The following TRAM1 variants were observed in gnomAD, a reference collection of about 807,000 sequenced individuals.
The protein encoded by TRAM1 is translocation associated membrane protein 1.
TRAM1 carries 17 observed loss-of-function variants against 48.7 expected under a neutral mutation model. That is an observed-to-expected ratio of 0.35 (90% CI 0.24 to 0.52). TRAM1 has a LOEUF of 0.52. TRAM1 is among the 20% of genes least tolerant of loss of function. TRAM1 has a pLI of 0.94. For missense variants in TRAM1, 351 were observed against 441.5 expected (o/e 0.79, Z 1.84); for synonymous variants, 182 against 154.0 (o/e 1.18, Z -1.34).
In TRAM1 at chr8:70,608,387, CAA is replaced by C; in HGVS notation, c.-190_-189del. The C allele has an allele frequency of 5.4e-6, 3 of 550,782 alleles. No homozygotes were observed. The highest frequency in any genetic ancestry group is 5.8e-6 in the Non-Finnish European group (2 of 345,842). 34.1% of individuals were successfully genotyped at this position (550,782 alleles called of 1,614,324 possible). On this transcript the variant is annotated 5_prime_UTR_variant, in exon 1 of 11. Coordinates refer to ENST00000262213, the MANE Select transcript of TRAM1 (RefSeq NM_014294.6). ...GCCGCCCGGGGGAAAAAAAAAAACA[CAA>C]CAGCTAGCCCGCAGCGGGGGCGAGC...
intron 1 of TRAM1, 167 bp downstream of exon 1, chr8:70,607,910 G>T: frequency 5.1e-6 from 4 of 779,486 alleles, no homozygotes; most frequent in South Asian, 4.2e-5. Context: ...AGCTGCCGCC[G>T]ACGTGGGGCA....
intron 9 of TRAM1, 129 bp from the exon 10 acceptor site, chr8:70,583,453 T>G (rs971240567): frequency 1.5e-5 from 19 of 1,300,592 alleles, no homozygotes; most frequent in Non-Finnish European, 1.8e-5. Flanking sequence ...AATCATTGCA[T>G]TAATAATTTA....
rs114966617 is a variant in TRAM1, at chr8:70,605,598, C to T, written c.123+2479G>A. On this transcript the variant is annotated intron_variant, in intron 1 of 10. Coordinates refer to ENST00000262213, the MANE Select transcript of TRAM1 (RefSeq NM_014294.6). The stretch of plus-strand genomic sequence containing the variant: ...TACTGTAATTCTATAATTATGTTAA[C>T]TTTGAGATTCAGCAGCAATTGTTTT... Among the ~76,000 whole-genome samples, 607 of 152,256 alleles carry T rather than the reference C, an allele frequency of 4.0e-3. 10 individuals are homozygous for T. The highest frequency in any genetic ancestry group is 0.014 in the African/African-American group (581 of 41,558).
At chr8:70,601,650 G>A (rs1395388615) in intron 1 of TRAM1, among the ~76,000 whole-genome samples, 3 of 152,116 alleles carry the variant, frequency 2.0e-5, no homozygotes, top group Non-Finnish European at 2.9e-5. Flanking sequence ...AGTACAAACC[G>A]GAGTGAGCAT....
At chr8:70,589,496 A>T (rs1817301995) in intron 6 of TRAM1, among the ~76,000 whole-genome samples, 1 of 152,212 alleles carries the variant, frequency 6.6e-6, no homozygotes, top group Admixed American at 6.5e-5. Flanking sequence ...ATTGGTACTG[A>T]ACAAAATGAT....
At chr8:70,597,459 C>T (rs1259537456) in intron 4 of TRAM1, among the ~76,000 whole-genome samples, 2 of 151,900 alleles carry the variant, frequency 1.3e-5, no homozygotes, top group Non-Finnish European at 2.9e-5. Flanking sequence ...ATCACGAGGT[C>T]AGGAGTTCGA....
intron 4 of TRAM1, among the ~76,000 whole-genome samples, chr8:70,597,237 C>G (rs1418894893): frequency 6.6e-6 from 1 of 152,096 alleles, no homozygotes; most frequent in African/African-American, 2.4e-5. Flanking sequence ...GTTTTGATTG[C>G]CATAACTGAA....
intron 10 of TRAM1, among the ~76,000 whole-genome samples, chr8:70,579,021 T>C (rs1017105856): frequency 6.6e-6 from 1 of 152,252 alleles, no homozygotes; most frequent in Non-Finnish European, 1.5e-5. Flanking sequence ...TGCTACAATA[T>C]GCTGTTATAT....
intron 2 of TRAM1, among the ~76,000 whole-genome samples, chr8:70,599,768 C>A (rs1817565254): frequency 6.6e-6 from 1 of 151,974 alleles, no homozygotes; most frequent in Admixed American, 6.6e-5. Context: ...GCAGAGAAAG[C>A]AAAACAAAAT....
intron 1 of TRAM1, among the ~76,000 whole-genome samples, chr8:70,603,768 C>T (rs1332020333): frequency 1.3e-5 from 2 of 152,114 alleles, no homozygotes; most frequent in Non-Finnish European, 2.9e-5. Context: ...ATAAATTTAG[C>T]ATCAAATTCT....
At chr8:70,596,182 G>T in intron 5 of TRAM1, 81 bp downstream of exon 5, 1 of 1,185,802 alleles carries the variant, frequency 8.4e-7, no homozygotes, top group Non-Finnish European at 1.2e-6. Context: ...AGGTCCTAAA[G>T]AGAATAACAA....
chr8:70,585,363 T>C (rs1377998577), intron 8 of TRAM1, among the ~76,000 whole-genome samples: 3 of 152,038 alleles, frequency 2.0e-5, no homozygotes, highest in African/African-American at 4.8e-5. Context: ...GACATAGGCA[T>C]GGGCAAGGAC....
chr8:70,596,888 C>T (rs2132040311), intron 4 of TRAM1, among the ~76,000 whole-genome samples: 1 of 148,910 alleles, frequency 6.7e-6, no homozygotes, highest in African/African-American at 2.5e-5. Flanking sequence ...TATTTTCCCA[C>T]AGAAGTATAA....
At chr8:70,579,861 G>T (rs1817037587) in intron 10 of TRAM1, among the ~76,000 whole-genome samples, 1 of 152,074 alleles carries the variant, frequency 6.6e-6, no homozygotes, top group South Asian at 2.1e-4. Flanking sequence ...AAATGAAAAG[G>T]TATAATATTT....
At chr8:70,590,030 T>C (rs1355266999) in intron 6 of TRAM1, among the ~76,000 whole-genome samples, 2 of 152,236 alleles carry the variant, frequency 1.3e-5, no homozygotes, top group African/African-American at 4.8e-5. Flanking sequence ...GCTCCACATT[T>C]CAGAGGAGAA....
At chr8:70,579,322 T>A (rs554793969) in intron 10 of TRAM1, among the ~76,000 whole-genome samples, 13 of 152,298 alleles carry the variant, frequency 8.5e-5, no homozygotes, top group Non-Finnish European at 1.6e-4. Flanking sequence ...TCTAAACATA[T>A]CTAAACATAG....
At chr8:70,577,940 C>T (rs187840573) in intron 10 of TRAM1, among the ~76,000 whole-genome samples, 1 of 152,366 alleles carries the variant, frequency 6.6e-6, no homozygotes, top group East Asian at 1.9e-4. Context: ...GTGCCTAGAG[C>T]TGCCTGCCCC....
At chr8:70,583,852 A>T in intron 8 of TRAM1, 59 bp from the exon 9 acceptor site, 2 of 1,505,382 alleles carry the variant, frequency 1.3e-6, no homozygotes, top group Non-Finnish European at 8.8e-7. Context: ...ATTCTATTAG[A>T]AATTAGATTC....
intron 6 of TRAM1, among the ~76,000 whole-genome samples, chr8:70,588,201 A>G (rs1817267472): frequency 6.6e-6 from 1 of 152,150 alleles, no homozygotes; most frequent in African/African-American, 2.4e-5. Context: ...TGGGTGACAG[A>G]GCAAGACTCT....
Sources: gnomAD v4.1 joint callset for allele counts (sites outside exome capture counted in the v4.1 genomes callset) on GRCh38, gnomAD v4.1.1 for gene constraint, MANE v1.5 for transcripts, NCBI Gene and HGNC (gene_info 2026-07-23, HGNC 2026-07-21) for gene names.